SLC38A3: variants seen among roughly 807,000 people sequenced by gnomAD.
The protein encoded by SLC38A3 is solute carrier family 38 member 3.
Under a neutral mutation model 59.5 loss-of-function variants are expected in SLC38A3, and 17 were observed. The observed-to-expected ratio is 0.29, with a 90% confidence interval of 0.20 to 0.43. SLC38A3 has a LOEUF of 0.43. Ranked by LOEUF, SLC38A3 falls within the 20% of genes least tolerant of loss-of-function variation. SLC38A3 has a pLI of 1.00. For missense variants in SLC38A3, 454 were observed against 653.9 expected (o/e 0.69, Z 3.33); for synonymous variants, 238 against 260.3 (o/e 0.91, Z 0.82).
At position 50,217,953 on chromosome 3, in the gene SLC38A3, G is replaced by A. The variant is rs2109157974; in HGVS notation, c.892G>A (p.Val298Ile). 4.3e-6 allele frequency: 7 copies of A among 1,614,008 alleles called. No individual in the cohort carries two copies. The highest frequency in any genetic ancestry group is 5.1e-6 in the Non-Finnish European group (6 of 1,179,900). Reference sequence around the variant, plus strand: ...CATCCCCATCATGGCCTTCGCCTTCGTCTGCCACCCCGAGGTGCTGCCCAT... The same window carrying A: ...CATCCCCATCATGGCCTTCGCCTTCATCTGCCACCCCGAGGTGCTGCCCAT... ...YTIPIMAFAFVCHPEVLPIYT... is the reference protein window; with the variant it reads ...YTIPIMAFAFICHPEVLPIYT... Residue 298 changes from valine (V) to isoleucine (I), a missense_variant, in exon 11 of 16, where the codon GTC becomes ATC. Physicochemically the swap from Val to Ile is conservative, Grantham distance 29. Transcript: ENST00000614032. This position sits in a 1 kb window ranked among gnomAD's most constrained non-coding sequence, Gnocchi z 4.9.
At chr3:50,219,585 C>T (rs1289736277) in intron 14 of SLC38A3, among the ~76,000 whole-genome samples, 1 of 152,254 alleles carries the variant, frequency 6.6e-6, no homozygotes, top group Non-Finnish European at 1.5e-5. Context: ...AGTATAGCTG[C>T]AGCCTGGAGC....
intron 14 of SLC38A3, among the ~76,000 whole-genome samples, chr3:50,219,487 G>A (rs1042382351): frequency 1.3e-5 from 2 of 152,230 alleles, no homozygotes; most frequent in African/African-American, 4.8e-5. Flanking sequence ...ATCACGGACA[G>A]CACTCTTCGT....
chr3:50,221,141 C>T lies in SLC38A3; in HGVS notation c.*964C>T, dbSNP rs1433511798. On this transcript the variant is annotated 3_prime_UTR_variant, in exon 16 of 16. Transcript: ENST00000614032. ...CCCACCCCCTGCCTCCCAAACTAAC[C>T]AGTGGCACACTCAGACCCAGCTCTG... The T allele has an allele frequency of 1.5e-5, 2 of 135,510 alleles. No individual in the cohort carries two copies. The highest frequency in any genetic ancestry group is 1.6e-5 in the Non-Finnish European group (1 of 63,202). The allele number at this position is 135,510 out of a possible 1,614,324, so 8.4% of individuals were successfully genotyped here. A position where few individuals can be genotyped will look rare whatever the true frequency, so the allele number is the denominator to read the frequency against.
intron 14 of SLC38A3, 125 bp from the exon 15 acceptor site, chr3:50,219,756 T>C (rs1699870628): frequency 2.7e-6 from 2 of 746,172 alleles, no homozygotes; most frequent in Non-Finnish European, 4.5e-6. Flanking sequence ...CAGGCAGAGC[T>C]CTCCAGTGGT....
Position 50,218,872 on chromosome 3 carries a change from T to G in SLC38A3, c.1230T>G (p.Ile410Met), listed in dbSNP as rs1360542238. The change falls in exon 14 of 16, where the codon ATT (isoleucine) becomes ATG (methionine). Residue 410 changes from isoleucine to methionine, a missense_variant. By Grantham distance (10) the Ile-to-Met change is conservative. This residue lies in a region of SLC38A3 where 390 missense variants were observed against 557.9 expected (regional missense o/e 0.70). Transcript: ENST00000614032. This position sits in a 1 kb window ranked among gnomAD's most constrained non-coding sequence, Gnocchi z 5.8. ...TCAGCTGGCTGCGGCATGTGCTTATTGCCGTTGGCCTGCTCACTTGTATCA... is the reference window on the plus strand; with the variant it reads ...TCAGCTGGCTGCGGCATGTGCTTATGGCCGTTGGCCTGCTCACTTGTATCA... Reference protein sequence around the residue: ...QEFSWLRHVLIAVGLLTCINL... With the variant: ...QEFSWLRHVLMAVGLLTCINL... 1 of 1,613,768 alleles carries G rather than the reference T, an allele frequency of 6.2e-7. No homozygotes were observed. The highest frequency in any genetic ancestry group is 2.2e-5 in the East Asian group (1 of 44,880).
Position 50,215,623 on chromosome 3 carries a change from C to G in SLC38A3, c.453C>G (p.Leu151=). The G allele has an allele frequency of 6.2e-7, 1 of 1,613,672 alleles. No homozygotes were observed. The highest frequency in any genetic ancestry group is 8.5e-7 in the Non-Finnish European group (1 of 1,179,844). The change falls in exon 6 of 16, where the codon CTC becomes CTG. Residue 151 remains leucine (L), a synonymous_variant. Transcript: ENST00000614032. This position sits in a 1 kb window ranked among gnomAD's most constrained non-coding sequence, Gnocchi z 7.1. ...TGGCAGCAGCCCTGGCCATCACGCTCCAGAACATCGGAGGTAAGAGCAGTG... is the reference window on the plus strand; with the variant it reads ...TGGCAGCAGCCCTGGCCATCACGCTGCAGAACATCGGAGGTAAGAGCAGTG... ...GKLAAALAIT[L]QNIGAMSSYL...
intron 1 of SLC38A3, chr3:50,207,284 G>T (rs1021772989): frequency 2.0e-5 from 3 of 152,230 alleles, no homozygotes; most frequent in Middle Eastern, 3.2e-3. Flanking sequence ...CTTGCCGAGG[G>T]CCTCAAATGC....
intron 1 of SLC38A3, among the ~76,000 whole-genome samples, chr3:50,213,906 G>T (rs1308021951): frequency 1.3e-5 from 2 of 152,216 alleles, no homozygotes; most frequent in African/African-American, 4.8e-5. Context: ...GCCTGGACGG[G>T]TGTGCATGTA....
intron 1 of SLC38A3, among the ~76,000 whole-genome samples, chr3:50,212,525 G>C (rs983731442): frequency 6.6e-6 from 1 of 152,190 alleles, no homozygotes; most frequent in South Asian, 2.1e-4. Flanking sequence ...CGAGTAGGTG[G>C]GTCTGGGAGG....
At chr3:50,206,432 CCTGTT>C (rs1160095587) in intron 1 of SLC38A3, among the ~76,000 whole-genome samples, 1 of 152,240 alleles carries the variant, frequency 6.6e-6, no homozygotes, top group Non-Finnish European at 1.5e-5. Flanking sequence ...TTCACCCCTT[CCTGTT>C]CTGTTCTGTA....
chr3:50,205,799 C>T (rs1040623618), intron 1 of SLC38A3, among the ~76,000 whole-genome samples: 1 of 152,256 alleles, frequency 6.6e-6, no homozygotes, highest in African/African-American at 2.4e-5. Flanking sequence ...CCGACGGGCG[C>T]CTGACAGGCA....
chr3:50,214,875 G>T lies in SLC38A3; in HGVS notation c.299+107G>T. On this transcript the variant is annotated intron_variant, in intron 4 of 15. Coordinates refer to ENST00000614032, the MANE Select transcript of SLC38A3 (RefSeq NM_006841.6). This position sits in a 1 kb window ranked among gnomAD's most constrained non-coding sequence, Gnocchi z 6.0. Reference sequence around the variant, plus strand: ...CTGTCCCAGCATCCAGGCTGCAGTGGGTGGGCACTTCTTACACTAACAAAC... The same window carrying T: ...CTGTCCCAGCATCCAGGCTGCAGTGTGTGGGCACTTCTTACACTAACAAAC... 2.7e-6 allele frequency: 2 copies of T among 748,212 alleles called. No individual in the cohort carries two copies. Among genetic ancestry groups the T allele is most frequent in the South Asian group, 3.1e-5 (2 of 63,680 alleles). 46.3% of individuals were successfully genotyped at this position (748,212 alleles called of 1,614,324 possible).
chr3:50,215,758 ACAT>A lies in SLC38A3; in HGVS notation c.491_493del (p.Ile164del), dbSNP rs1559754895. The A allele has an allele frequency of 6.2e-7, 1 of 1,602,134 alleles. No homozygotes were observed. The highest frequency in any genetic ancestry group is 8.5e-7 in the Non-Finnish European group (1 of 1,174,630). On this transcript the variant is annotated inframe_deletion, in exon 7 of 16. Coordinates refer to ENST00000614032, the MANE Select transcript of SLC38A3 (RefSeq NM_006841.6). The surrounding 1 kb of genome is among the most constrained non-coding windows in gnomAD (Gnocchi z 7.1). ...CCCACAGCCATGTCCAGCTACCTGT[ACAT>A]CATCAAGTCTGAGCTGCCACTTGTC...
At chr3:50,209,312 G>T (rs1196125330) in intron 1 of SLC38A3, among the ~76,000 whole-genome samples, 1 of 152,190 alleles carries the variant, frequency 6.6e-6, no homozygotes, top group Admixed American at 6.5e-5. Context: ...GGGAGGCTGA[G>T]GTGCCTAAGG....
rs114561902 is a variant in SLC38A3 at position 50,213,204 on chromosome 3, C to A, written c.-51-945C>A. On this transcript the variant is annotated intron_variant, in intron 1 of 15. Coordinates refer to ENST00000614032, the MANE Select transcript of SLC38A3 (RefSeq NM_006841.6). ...AGGGAGACTGATCTGGTGACCCAGG[C>A]TCCTCTACAGCCGGCCAAGGGCCTG... 5.8e-3 allele frequency among the ~76,000 whole-genome samples: 889 copies of A among 152,244 alleles called. 6 individuals are homozygous for A. The highest frequency in any genetic ancestry group is 0.02 in the African/African-American group (828 of 41,548).
At chr3:50,213,637 C>T (rs983323929) in intron 1 of SLC38A3, among the ~76,000 whole-genome samples, 21 of 152,354 alleles carry the variant, frequency 1.4e-4, no homozygotes, top group African/African-American at 5.0e-4. Flanking sequence ...CCACAGCCCT[C>T]ACCCTCTCCC....
Position 50,220,167 on chromosome 3 carries a change from GAAA to G in SLC38A3, c.1506_1508del (p.Asn503del). On this transcript the variant is annotated inframe_deletion, in exon 16 of 16. Transcript: ENST00000614032. The stretch of plus-strand genomic sequence containing the variant: ...GCCTCAGGGACCAGCCGGCATGGAG[GAAA>G]CCACTAGGGTGACCCTCATCCTGTT... The G allele has an allele frequency of 1.9e-6, 3 of 1,589,678 alleles. No homozygotes were observed. The highest frequency in any genetic ancestry group is 2.3e-5 in the South Asian group (2 of 87,696).
intron 1 of SLC38A3, among the ~76,000 whole-genome samples, chr3:50,213,397 A>C (rs1699761100): frequency 6.6e-6 from 1 of 152,168 alleles, no homozygotes; most frequent in South Asian, 2.1e-4. Context: ...TGTGTGGCAC[A>C]GAGAACTGGC....
At position 50,215,944 on chromosome 3, in the gene SLC38A3, A is replaced by C. The variant is rs1699813061; in HGVS notation, c.548+123A>C. The C allele has an allele frequency of 1.3e-6, 1 of 763,220 alleles. No homozygotes were observed. The highest frequency in any genetic ancestry group is 1.7e-5 in the African/African-American group (1 of 57,998). The allele number at this position is 763,220 out of a possible 1,614,324, so 47.3% of individuals were successfully genotyped here. On this transcript the variant is annotated intron_variant, in intron 7 of 15. Coordinates refer to ENST00000614032, the MANE Select transcript of SLC38A3 (RefSeq NM_006841.6). The surrounding 1 kb of genome is among the most constrained non-coding windows in gnomAD (Gnocchi z 7.1). ...GCTGGTGGGAGAGACAAGACAAAGC[A>C]GACAAGAAGCTGGTGGAGTGGGGAG... is the stretch of plus-strand genomic sequence containing the variant.
Sources: gnomAD v4.1 joint callset for allele counts (sites outside exome capture counted in the v4.1 genomes callset) on GRCh38, gnomAD v4.1.1 for gene constraint, gnomAD v4.1.1 regional missense constraint, Gnocchi (gnomAD v3.1) non-coding constraint, MANE v1.5 for transcripts, NCBI Gene and HGNC (gene_info 2026-07-23, HGNC 2026-07-21) for gene names.